The following VWC2 variants were observed in gnomAD, a reference collection of about 807,000 sequenced individuals.
The protein encoded by VWC2 is von Willebrand factor C domain containing 2, also known as brorin.
A neutral mutation model predicts 29.8 loss-of-function variants in VWC2; 14 were observed. That is an observed-to-expected ratio of 0.47 (90% CI 0.31 to 0.74). The LOEUF (loss-of-function observed/expected upper bound fraction) is 0.74. Ranked by LOEUF, VWC2 falls within the 30% of genes least tolerant of loss-of-function variation. VWC2 has a pLI of 0.05. For missense variants in VWC2, 457 were observed against 459.8 expected (o/e 0.99, Z 0.05); for synonymous variants, 213 against 199.0 (o/e 1.07, Z -0.59).
chr7:49,786,428 A>G (rs761233372), intron 2 of VWC2, among the ~76,000 whole-genome samples: 1 of 152,156 alleles, frequency 6.6e-6, no homozygotes, highest in Non-Finnish European at 1.5e-5. Context: ...TATTGTGAGT[A>G]GTGCTGCAAT....
chr7:49,882,108 A>G (rs1791689882), intron 3 of VWC2, among the ~76,000 whole-genome samples: 1 of 152,182 alleles, frequency 6.6e-6, no homozygotes, highest in Admixed American at 6.5e-5. Flanking sequence ...GTATAAACAT[A>G]GATTTATATG....
At chr7:49,785,408 A>C (rs1788273315) in intron 2 of VWC2, among the ~76,000 whole-genome samples, 1 of 152,208 alleles carries the variant, frequency 6.6e-6, no homozygotes, top group Non-Finnish European at 1.5e-5. Context: ...TTCTAGTTGA[A>C]AGTCTGCTTA....
At chr7:49,858,075 G>T (rs985889207) in intron 3 of VWC2, among the ~76,000 whole-genome samples, 4 of 152,184 alleles carry the variant, frequency 2.6e-5, no homozygotes, top group African/African-American at 9.7e-5. Context: ...TCACCACACT[G>T]ACTTCCACAA....
intron 2 of VWC2, among the ~76,000 whole-genome samples, chr7:49,788,624 TGTGA>T (rs77891024): frequency 0.26 from 38,356 of 148,888 alleles, 6,747 homozygotes; most frequent in African/African-American, 0.52. Flanking sequence ...GTGGTGGGTG[TGTGA>T]GTGAGTGTGT....
At chr7:49,800,668 C>A (rs1788716754) in intron 2 of VWC2, among the ~76,000 whole-genome samples, 2 of 152,052 alleles carry the variant, frequency 1.3e-5, no homozygotes, top group South Asian at 4.1e-4. Flanking sequence ...TAAACCATGT[C>A]TCTTGCAACT....
intron 3 of VWC2, among the ~76,000 whole-genome samples, chr7:49,849,177 T>A (rs539959213): frequency 7.7e-4 from 118 of 152,338 alleles, no homozygotes; most frequent in Admixed American, 2.7e-3. Flanking sequence ...CCCCACTGGA[T>A]CCCGTGAAGC....
chr7:49,902,259 T>C (rs1356089123), intron 3 of VWC2, among the ~76,000 whole-genome samples: 2 of 151,866 alleles, frequency 1.3e-5, no homozygotes, highest in Non-Finnish European at 2.9e-5. Context: ...AACCACAGAC[T>C]GGAAGAAAAC....
In VWC2 at chr7:49,802,699, C is replaced by T. The variant is rs1359909547; in HGVS notation, c.697-12C>T. On this transcript the variant is annotated splice_polypyrimidine_tract_variant and intron_variant, in intron 2 of 3. Coordinates refer to ENST00000340652, the MANE Select transcript of VWC2 (RefSeq NM_198570.5). ...AGCAGGCTAAAGTGCTGATTGTGGGCTTGTGTTTCAGGTGTCTCCATGCGA... is the reference window on the plus strand; with the variant it reads ...AGCAGGCTAAAGTGCTGATTGTGGGTTTGTGTTTCAGGTGTCTCCATGCGA... 1 of 1,614,076 alleles carries T rather than the reference C, an allele frequency of 6.2e-7. No individual in the cohort carries two copies. The highest frequency in any genetic ancestry group is 8.5e-7 in the Non-Finnish European group (1 of 1,179,952).
At chr7:49,814,779 G>A (rs1789098220) in intron 3 of VWC2, among the ~76,000 whole-genome samples, 1 of 152,042 alleles carries the variant, frequency 6.6e-6, no homozygotes, top group Non-Finnish European at 1.5e-5. Context: ...CAGTTACACT[G>A]TGCCTCTTGA....
At chr7:49,887,617 T>C (rs1284703385) in intron 3 of VWC2, among the ~76,000 whole-genome samples, 1 of 152,200 alleles carries the variant, frequency 6.6e-6, no homozygotes, top group African/African-American at 2.4e-5. Flanking sequence ...ATGGTTTCCA[T>C]TTGTACAGGA....
intron 3 of VWC2, among the ~76,000 whole-genome samples, chr7:49,810,688 A>G (rs1205025745): frequency 3.3e-5 from 5 of 152,210 alleles, no homozygotes; most frequent in African/African-American, 1.2e-4. Context: ...ATGGAAAAGA[A>G]TTGACAGTCC....
intron 2 of VWC2, among the ~76,000 whole-genome samples, chr7:49,784,810 G>A (rs1562702957): frequency 1.3e-5 from 2 of 152,152 alleles, no homozygotes; most frequent in East Asian, 1.9e-4. Flanking sequence ...AAACACACAC[G>A]GGGTGAATGC....
At chr7:49,836,087 C>A (rs370416624) in intron 3 of VWC2, among the ~76,000 whole-genome samples, 1 of 152,148 alleles carries the variant, frequency 6.6e-6, no homozygotes, top group African/African-American at 2.4e-5. Context: ...ATTCTGAGTT[C>A]AGATAGAAGT....
At chr7:49,779,909 C>T (rs1336763583) in intron 2 of VWC2, among the ~76,000 whole-genome samples, 3 of 152,194 alleles carry the variant, frequency 2.0e-5, no homozygotes, top group African/African-American at 7.2e-5. Flanking sequence ...CTTATAAGGA[C>T]ACACTCATAT....
intron 2 of VWC2, among the ~76,000 whole-genome samples, chr7:49,786,871 T>C (rs1788312481): frequency 6.6e-6 from 1 of 152,252 alleles, no homozygotes; most frequent in Admixed American, 6.5e-5. Flanking sequence ...TTCTTATAGA[T>C]GGTGGACCTT....
At chr7:49,840,468 C>T (rs1292835037) in intron 3 of VWC2, among the ~76,000 whole-genome samples, 1 of 152,066 alleles carries the variant, frequency 6.6e-6, no homozygotes, top group Non-Finnish European at 1.5e-5. Context: ...GCTTGGTAGC[C>T]CCCAGCATGG....
chr7:49,775,417 C>CCCCGGG lies in VWC2; in HGVS notation c.-19_-18insCCCGGG. ...CGGCCGCGCTCCCCGCCCGCCCGCC[C>CCCCGGG]GCCGGGACGTGGTAGGGGATGCCCA... On this transcript the variant is annotated 5_prime_UTR_variant, in exon 2 of 4. Transcript: ENST00000340652. 1 of 1,316,558 alleles carries CCCCGGG rather than the reference C, an allele frequency of 7.6e-7. No individual in the cohort carries two copies. The highest frequency in any genetic ancestry group is 9.7e-7 in the Non-Finnish European group (1 of 1,029,516). 81.6% of individuals were successfully genotyped at this position (1,316,558 alleles called of 1,614,324 possible). A position where few individuals can be genotyped will look rare whatever the true frequency, so the allele number is the denominator to read the frequency against.
At chr7:49,821,787 C>A in intron 3 of VWC2, among the ~76,000 whole-genome samples, 1 of 151,992 alleles carries the variant, frequency 6.6e-6, no homozygotes. Flanking sequence ...TTGACTCATA[C>A]TTTGGATAAA....
chr7:49,880,988 A>G (rs1038268217), intron 3 of VWC2, among the ~76,000 whole-genome samples: 3 of 152,176 alleles, frequency 2.0e-5, no homozygotes, highest in South Asian at 4.1e-4. Flanking sequence ...CTTTCAATCC[A>G]TCCTTTGTAC....
Sources: allele counts gnomAD v4.1 joint callset (sites outside exome capture counted in the v4.1 genomes callset), GRCh38; gene constraint gnomAD v4.1.1; transcripts MANE v1.5; gene names NCBI Gene and HGNC (gene_info 2026-07-23, HGNC 2026-07-21).